MDGA2: variants seen among roughly 807,000 people sequenced by gnomAD.
MDGA2 encodes the protein MAM domain containing glycosylphosphatidylinositol anchor 2.
In MDGA2, 40 loss-of-function variants were observed where a neutral mutation model predicts 117.8. The ratio of observed to expected loss-of-function variants is 0.34; its 90% CI spans 0.26 to 0.44. The LOEUF (loss-of-function observed/expected upper bound fraction) is 0.44, where lower values mean the gene tolerates loss of function less well. Ranked by LOEUF, MDGA2 falls within the 20% of genes least tolerant of loss-of-function variation. The pLI is 1.00. For synonymous variants in MDGA2, 452 were observed against 439.0 expected (o/e 1.03, Z -0.37); for missense variants, 1,123 against 1,250.6 (o/e 0.90, Z 1.54).
At chr14:47,111,161 C>T (rs79819661) in intron 5 of MDGA2, among the ~76,000 whole-genome samples, 1 of 152,056 alleles carries the variant, frequency 6.6e-6, no homozygotes, top group Non-Finnish European at 1.5e-5. Context: ...ACTATTATTA[C>T]TTTATTTTAT....
rs540462594 is a variant in MDGA2, at chr14:47,258,319, A to G, written c.421-40124T>C. Among the ~76,000 whole-genome samples, 228 of 152,264 alleles carry G rather than the reference A, an allele frequency of 1.5e-3. 1 individual carries two copies. The highest frequency in any genetic ancestry group is 5.2e-3 in the African/African-American group (215 of 41,552). ...GGCTGTACAGGAAGCATGGCTGCAG[A>G]GGCTCAGGAAACTTACAATCATGGT... On this transcript the variant is annotated intron_variant, in intron 2 of 16. Coordinates refer to ENST00000399232, the MANE Select transcript of MDGA2 (RefSeq NM_001113498.3).
At chr14:47,340,799 C>T (rs1176997505) in intron 1 of MDGA2, among the ~76,000 whole-genome samples, 1 of 152,106 alleles carries the variant, frequency 6.6e-6, no homozygotes, top group African/African-American at 2.4e-5. Flanking sequence ...AATCACTACA[C>T]GTTGATTATA....
intron 1 of MDGA2, among the ~76,000 whole-genome samples, chr14:47,521,437 AAAAC>A (rs570673087): frequency 7.2e-5 from 11 of 152,278 alleles, no homozygotes; most frequent in African/African-American, 2.2e-4. Flanking sequence ...CCCTCTCCAA[AAAAC>A]AAACAAACAA....
At chr14:47,292,771 G>A (rs72682150) in intron 2 of MDGA2, among the ~76,000 whole-genome samples, 13,853 of 152,058 alleles carry the variant, frequency 0.091, 773 homozygotes, top group Non-Finnish European at 0.11. Context: ...CCATTATAGC[G>A]GAAAATGCCT....
chr14:47,007,559 C>T (rs1038304403), intron 8 of MDGA2, among the ~76,000 whole-genome samples: 5 of 151,712 alleles, frequency 3.3e-5, no homozygotes, highest in Non-Finnish European at 7.4e-5. Flanking sequence ...TAAATGAAGA[C>T]ACCGTGAACA....
rs60842690 is a variant in MDGA2 at position 47,144,815 on chromosome 14, A to ATTTTTTTTT, written c.596-550_596-542dup. ...AGGCATGTGCTACCATGCCCGGCTAATTTTTTTTTTTTTTTGTACAGACAG... is the reference window on the plus strand; with the variant it reads ...AGGCATGTGCTACCATGCCCGGCTAATTTTTTTTTTTTTTTTTTTTTTTTGTACAGACAG... On this transcript the variant is annotated intron_variant, in intron 3 of 16. Coordinates refer to ENST00000399232, the MANE Select transcript of MDGA2 (RefSeq NM_001113498.3). Among the ~76,000 whole-genome samples the ATTTTTTTTT allele has an allele frequency of 4.6e-4, 60 of 130,434 alleles. 3 individuals are homozygous for ATTTTTTTTT. Among genetic ancestry groups the ATTTTTTTTT allele is most frequent in the African/African-American group, 1.6e-3 (51 of 32,748 alleles). 85.6% of individuals were successfully genotyped at this position (130,434 alleles called of 152,430 possible).
At chr14:47,667,956 G>A (rs1339570818) in intron 1 of MDGA2, among the ~76,000 whole-genome samples, 1 of 152,174 alleles carries the variant, frequency 6.6e-6, no homozygotes, top group East Asian at 1.9e-4. Flanking sequence ...AAGTTGTAGA[G>A]ACACAAAGTG....
chr14:46,917,009 T>C (rs550352610), intron 10 of MDGA2, among the ~76,000 whole-genome samples: 3 of 151,916 alleles, frequency 2.0e-5, no homozygotes, highest in East Asian at 1.9e-4. Flanking sequence ...GTTTTTTTTT[T>C]CCTCTAGTGA....
chr14:47,578,822 T>C (rs540811971), intron 1 of MDGA2, among the ~76,000 whole-genome samples: 6 of 152,174 alleles, frequency 3.9e-5, no homozygotes, highest in Non-Finnish European at 7.4e-5. Context: ...ATGCTGTTGA[T>C]ACATCACAAT....
At chr14:47,555,471 A>T (rs1321263704) in intron 1 of MDGA2, among the ~76,000 whole-genome samples, 1 of 152,146 alleles carries the variant, frequency 6.6e-6, no homozygotes, top group Non-Finnish European at 1.5e-5. Context: ...GGGATATTTG[A>T]TGATGCCATA....
chr14:47,389,637 C>T (rs1405206327), intron 1 of MDGA2, among the ~76,000 whole-genome samples: 1 of 147,772 alleles, frequency 6.8e-6, no homozygotes, highest in Non-Finnish European at 1.5e-5. Flanking sequence ...CACACACACA[C>T]ACTTCAGAAA....
chr14:46,965,351 A>G (rs1440545834), intron 8 of MDGA2, among the ~76,000 whole-genome samples: 1 of 152,156 alleles, frequency 6.6e-6, no homozygotes, highest in Admixed American at 6.5e-5. Flanking sequence ...CCACACCTGA[A>G]AGATTCAGCC....
intron 2 of MDGA2, among the ~76,000 whole-genome samples, chr14:47,288,860 C>CT: frequency 6.6e-6 from 1 of 152,154 alleles, no homozygotes; most frequent in South Asian, 2.1e-4. Flanking sequence ...TATAAGTTAA[C>CT]TTTTTCAGAT....
chr14:47,491,938 C>A lies in MDGA2; in HGVS notation c.280+182579G>T, dbSNP rs769510509. On this transcript the variant is annotated intron_variant, in intron 1 of 16. Transcript: ENST00000399232. ...TTTTCATACATCCTGGTAATACACACTTTTCATTCTATAATTAAATAAATT... is the reference window on the plus strand; with the variant it reads ...TTTTCATACATCCTGGTAATACACAATTTTCATTCTATAATTAAATAAATT... 7.7e-4 allele frequency among the ~76,000 whole-genome samples: 117 copies of A among 152,156 alleles called. 1 individual carries two copies. The highest frequency in any genetic ancestry group is 8.8e-5 in the Non-Finnish European group (6 of 67,962).
rs552252194 is a variant in MDGA2 at position 47,253,833 on chromosome 14, C to T, written c.421-35638G>A. 5.3e-5 allele frequency among the ~76,000 whole-genome samples: 8 copies of T among 152,356 alleles called. No homozygotes were observed. The East Asian group carries it at 1.5e-3, about 29-fold the overall frequency. On this transcript the variant is annotated intron_variant, in intron 2 of 16. Coordinates refer to ENST00000399232, the MANE Select transcript of MDGA2 (RefSeq NM_001113498.3). ...CTCCATGAGGGCTCTGCCCCTGCAG[C>T]CAGCTTCTGCCTAGACATTCAGGCA...
rs531799046 is a variant in MDGA2 at position 46,970,056 on chromosome 14, A to G, written c.1820-12413T>C. Reference sequence around the variant, plus strand: ...TGATGAAATAAATTAAAGAGGACACAAACAATTGGAAAGACATTCCATTTT... The same window carrying G: ...TGATGAAATAAATTAAAGAGGACACGAACAATTGGAAAGACATTCCATTTT... On this transcript the variant is annotated intron_variant, in intron 8 of 16. Coordinates refer to ENST00000399232, the MANE Select transcript of MDGA2 (RefSeq NM_001113498.3). Among the ~76,000 whole-genome samples, 89 of 151,164 alleles carry G rather than the reference A, an allele frequency of 5.9e-4. 2 individuals are homozygous for G. In the South Asian group the frequency reaches 0.016, roughly 28 times the overall value.
intron 6 of MDGA2, among the ~76,000 whole-genome samples, chr14:47,093,294 G>A (rs1453743590): frequency 6.6e-6 from 1 of 152,046 alleles, no homozygotes; most frequent in Non-Finnish European, 1.5e-5. Flanking sequence ...ATATACTACA[G>A]AACATTCAAA....
Position 47,111,642 on chromosome 14 carries a change from G to A in MDGA2, c.926-14519C>T, listed in dbSNP as rs544950144. On this transcript the variant is annotated intron_variant, in intron 5 of 16. Coordinates refer to ENST00000399232, the MANE Select transcript of MDGA2 (RefSeq NM_001113498.3). ...CTCACACATACAAAACTTTTTAATT[G>A]GCTCAGTGATTTAAATTCTCAGAAT... Among the ~76,000 whole-genome samples the A allele has an allele frequency of 7.2e-4, 109 of 152,146 alleles. 1 individual carries two copies. Among genetic ancestry groups the A allele is most frequent in the Middle Eastern group, 3.4e-3 (1 of 294 alleles).
intron 2 of MDGA2, among the ~76,000 whole-genome samples, chr14:47,290,318 T>G (rs1888837951): frequency 6.6e-6 from 1 of 152,040 alleles, no homozygotes; most frequent in Non-Finnish European, 1.5e-5. Flanking sequence ...TTCTGCCATA[T>G]GAGATTAAAA....
Sources: allele counts gnomAD v4.1 joint callset (sites outside exome capture counted in the v4.1 genomes callset), GRCh38; gene constraint gnomAD v4.1.1; transcripts MANE v1.5; gene names NCBI Gene and HGNC (gene_info 2026-07-23, HGNC 2026-07-21).